The following ARSB variants were observed in gnomAD, a reference collection of about 807,000 sequenced individuals.
The protein encoded by ARSB is arylsulfatase B.
ARSB carries 41 observed loss-of-function variants against 50.9 expected under a neutral mutation model. The observed-to-expected ratio is 0.81, with a 90% confidence interval of 0.63 to 1.04. The LOEUF is 1.04. Among genes scored for constraint, ARSB ranks in the 50% least tolerant of loss-of-function variants. ARSB has a pLI of 0.00. For synonymous variants in ARSB, 269 were observed against 284.8 expected (o/e 0.94, Z 0.56); for missense variants, 672 against 693.3 (o/e 0.97, Z 0.35).
At chr5:78,796,991 C>T (rs1743208767) in intron 6 of ARSB, among the ~76,000 whole-genome samples, 1 of 151,468 alleles carries the variant, frequency 6.6e-6, no homozygotes, top group Admixed American at 6.6e-5. Context: ...CATTCTCCTG[C>T]CTCAGCCTCC....
At chr5:78,887,979 G>A (rs958631262) in intron 4 of ARSB, among the ~76,000 whole-genome samples, 1 of 152,192 alleles carries the variant, frequency 6.6e-6, no homozygotes, top group Non-Finnish European at 1.5e-5. Context: ...AGAAATTCAA[G>A]GCTCTACTGC....
intron 5 of ARSB, among the ~76,000 whole-genome samples, chr5:78,849,754 T>A (rs1334186169): frequency 2.1e-5 from 3 of 145,940 alleles, no homozygotes; most frequent in Admixed American, 7.0e-5. Flanking sequence ...TGGTTTGTAG[T>A]TCTCCTTGAA....
chr5:78,933,057 T>C (rs1010348309), intron 4 of ARSB, among the ~76,000 whole-genome samples: 4 of 152,238 alleles, frequency 2.6e-5, no homozygotes, highest in African/African-American at 9.6e-5. Flanking sequence ...TAGCTAGCCT[T>C]ACTGCTCATA....
At chr5:78,959,262 T>C (rs1390764001) in intron 3 of ARSB, among the ~76,000 whole-genome samples, 1 of 152,164 alleles carries the variant, frequency 6.6e-6, no homozygotes, top group Non-Finnish European at 1.5e-5. Context: ...CCATTGTAAG[T>C]TTCCTGAGGC....
intron 5 of ARSB, among the ~76,000 whole-genome samples, chr5:78,845,532 C>T (rs1379977235): frequency 6.6e-6 from 1 of 152,122 alleles, no homozygotes; most frequent in Non-Finnish European, 1.5e-5. Context: ...ACAACCTCGC[C>T]AGGATCTGTT....
intron 6 of ARSB, among the ~76,000 whole-genome samples, chr5:78,816,856 A>G (rs764828838): frequency 3.3e-5 from 5 of 152,188 alleles, no homozygotes; most frequent in Non-Finnish European, 7.3e-5. Flanking sequence ...CAACCTGAGC[A>G]AGCTTGGAAG....
intron 5 of ARSB, among the ~76,000 whole-genome samples, chr5:78,859,836 G>A (rs1024811021): frequency 6.6e-6 from 1 of 152,006 alleles, no homozygotes; most frequent in Non-Finnish European, 1.5e-5. Flanking sequence ...GCAAGCAGCA[G>A]ACTAACATGG....
In ARSB at chr5:78,790,655, G is replaced by T. The variant is rs184793800; in HGVS notation, c.1214-8681C>A. ...TCTATGTATAACTCATTTAATCCTT[G>T]CTCTATGAAACAGATATTAACATCT... On this transcript the variant is annotated intron_variant, in intron 6 of 7. Coordinates refer to ENST00000264914, the MANE Select transcript of ARSB (RefSeq NM_000046.5). Among the ~76,000 whole-genome samples, 308 of 152,200 alleles carry T rather than the reference G, an allele frequency of 2.0e-3. 2 individuals are homozygous for T. Among genetic ancestry groups the T allele is most frequent in the Middle Eastern group, 0.014 (4 of 294 alleles).
chr5:78,787,402 T>C (rs1749122577), intron 6 of ARSB, among the ~76,000 whole-genome samples: 1 of 152,188 alleles, frequency 6.6e-6, no homozygotes, highest in Admixed American at 6.5e-5. Context: ...TGACAGTGTA[T>C]TGGATAAACT....
chr5:78,845,298 T>G (rs1445787188), intron 5 of ARSB, among the ~76,000 whole-genome samples: 6 of 152,180 alleles, frequency 3.9e-5, no homozygotes, highest in African/African-American at 1.4e-4. Context: ...CTTAAGTTGA[T>G]TCTATATCTT....
intron 6 of ARSB, among the ~76,000 whole-genome samples, chr5:78,829,520 T>C (rs1282234128): frequency 6.6e-6 from 1 of 152,216 alleles, no homozygotes; most frequent in Non-Finnish European, 1.5e-5. Context: ...GGGCATATGT[T>C]TTCCTCTGAT....
chr5:78,953,421 C>A (rs866854492), intron 4 of ARSB, among the ~76,000 whole-genome samples: 2 of 152,202 alleles, frequency 1.3e-5, no homozygotes, highest in Non-Finnish European at 2.9e-5. Context: ...AATAATAGTT[C>A]CCAGAGAATC....
intron 5 of ARSB, among the ~76,000 whole-genome samples, chr5:78,877,021 C>G (rs1177620132): frequency 6.6e-6 from 1 of 152,168 alleles, no homozygotes; most frequent in Non-Finnish European, 1.5e-5. Context: ...GAAAAATTGT[C>G]TCTCACAAAA....
chr5:78,849,890 G>C (rs1175618653), intron 5 of ARSB, among the ~76,000 whole-genome samples: 1 of 150,788 alleles, frequency 6.6e-6, no homozygotes, highest in African/African-American at 2.4e-5. Context: ...AAGAATGCTT[G>C]TGATTTTTGT....
chr5:78,894,480 G>A (rs1748475980), intron 4 of ARSB, among the ~76,000 whole-genome samples: 1 of 152,152 alleles, frequency 6.6e-6, no homozygotes, highest in Non-Finnish European at 1.5e-5. Flanking sequence ...GAAACTGAGT[G>A]GACAGGCAGT....
chr5:78,927,217 TATC>T (rs1273218425), intron 4 of ARSB, among the ~76,000 whole-genome samples: 4 of 152,218 alleles, frequency 2.6e-5, no homozygotes, highest in African/African-American at 4.8e-5. Flanking sequence ...ATAAAAATAT[TATC>T]ATTTCAATAT....
At chr5:78,943,102 T>C (rs1422526520) in intron 4 of ARSB, among the ~76,000 whole-genome samples, 7 of 152,136 alleles carry the variant, frequency 4.6e-5, no homozygotes, top group East Asian at 1.9e-4. Flanking sequence ...AGGATTGCAA[T>C]CCCTGCCTTT....
At chr5:78,966,629 T>G (rs1752216499) in intron 2 of ARSB, among the ~76,000 whole-genome samples, 2 of 152,354 alleles carry the variant, frequency 1.3e-5, no homozygotes, top group East Asian at 3.9e-4. Context: ...GGGTGTGTGT[T>G]CATCTAAATC....
chr5:78,846,941 T>C (rs1745471537), intron 5 of ARSB, among the ~76,000 whole-genome samples: 1 of 152,166 alleles, frequency 6.6e-6, no homozygotes, highest in African/African-American at 2.4e-5. Flanking sequence ...ACTAATTAGT[T>C]GAGTGTTTTG....
Sources: allele counts gnomAD v4.1 joint callset (sites outside exome capture counted in the v4.1 genomes callset), GRCh38; gene constraint gnomAD v4.1.1; transcripts MANE v1.5; gene names NCBI Gene and HGNC (gene_info 2026-07-23, HGNC 2026-07-21).